Variants in LHPP observed in about 807,000 individuals in gnomAD.
LHPP encodes the protein hLHPP.
Under a neutral mutation model 30.3 loss-of-function variants are expected in LHPP, and 24 were observed. The observed-to-expected ratio is 0.79, with a 90% CI of 0.57 to 1.11. The LOEUF (loss-of-function observed/expected upper bound fraction) is 1.11. LHPP is among the 50% of genes most tolerant of loss of function. The pLI, the probability that LHPP is intolerant of heterozygous loss-of-function variation, is 0.00. For missense variants in LHPP, 356 were observed against 367.2 expected, an observed-to-expected ratio of 0.97 and a Z score of 0.25; for synonymous variants, 150 against 157.1, an observed-to-expected ratio of 0.95 and a Z score of 0.34.
intron 6 of LHPP, among the ~76,000 whole-genome samples, chr10:124,567,672 G>A (rs1199794365): frequency 5.9e-5 from 9 of 152,360 alleles, no homozygotes; most frequent in South Asian, 4.1e-4. Flanking sequence ...TCCCAGCTGT[G>A]GCTTGTGATC....
intron 6 of LHPP, among the ~76,000 whole-genome samples, chr10:124,602,048 G>C (rs1046365103): frequency 4.0e-4 from 61 of 152,314 alleles, no homozygotes; most frequent in African/African-American, 1.4e-3. Context: ...GGGTGGGTGG[G>C]AGTGGAGACC....
intron 6 of LHPP, among the ~76,000 whole-genome samples, chr10:124,559,623 G>A (rs552024174): frequency 5.2e-5 from 8 of 152,390 alleles, no homozygotes; most frequent in South Asian, 2.1e-4. Flanking sequence ...TTGGAAATCC[G>A]GCTGCCCGAG....
intron 3 of LHPP, among the ~76,000 whole-genome samples, chr10:124,494,615 T>C (rs745885147): frequency 6.6e-6 from 1 of 152,166 alleles, no homozygotes; most frequent in Non-Finnish European, 1.5e-5. Context: ...TGTGGTGGCG[T>C]GGCCACCCTG....
chr10:124,501,762 C>G (rs1953908322), intron 5 of LHPP, among the ~76,000 whole-genome samples: 1 of 151,786 alleles, frequency 6.6e-6, no homozygotes, highest in African/African-American at 2.4e-5. Flanking sequence ...TTAAAACCAC[C>G]TAAAAAATTA....
intron 3 of LHPP, chr10:124,490,610 GGAAAGCAT>G: frequency 9.2e-6 from 2 of 218,170 alleles, no homozygotes; most frequent in South Asian, 1.4e-4. Context: ...GTCCGGGGCT[GGAAAGCAT>G]GATTTTTTTC....
intron 5 of LHPP, 165 bp downstream of exon 5, chr10:124,498,293 C>A (rs1484673487): frequency 6.4e-7 from 1 of 1,574,306 alleles, no homozygotes; most frequent in South Asian, 1.1e-5. Context: ...GGGAAGACAG[C>A]AAACGAAATC....
At chr10:124,527,810 T>C (rs997874708) in intron 6 of LHPP, among the ~76,000 whole-genome samples, 5 of 152,030 alleles carry the variant, frequency 3.3e-5, no homozygotes, top group African/African-American at 9.7e-5. Flanking sequence ...AGATGCGGTC[T>C]TGTTCTGTTT....
At chr10:124,612,894 TG>T in intron 6 of LHPP, 1 of 260,000 alleles carries the variant, frequency 3.8e-6, no homozygotes, top group Non-Finnish European at 7.5e-6. Flanking sequence ...GCCAGGGGTG[TG>T]GGGTGAGCCC....
At chr10:124,479,663 GCT>G (rs1268141871) in intron 1 of LHPP, among the ~76,000 whole-genome samples, 1 of 152,190 alleles carries the variant, frequency 6.6e-6, no homozygotes, top group East Asian at 1.9e-4. Flanking sequence ...TCATGAGGGT[GCT>G]CTCTGGTGTC....
In LHPP at chr10:124,481,142, C is replaced by T. The variant is rs116395940; in HGVS notation, c.126-2997C>T. The stretch of plus-strand genomic sequence containing the variant: ...GATTCATCCCTGAACTCCTGGAGCT[C>T]GTAGGCCAGTGAGAAAGACAATTGC... On this transcript the variant is annotated intron_variant, in intron 1 of 6. Coordinates refer to ENST00000368842, the MANE Select transcript of LHPP (RefSeq NM_022126.4). Among the ~76,000 whole-genome samples, 700 of 152,120 alleles carry T rather than the reference C, an allele frequency of 4.6e-3. 8 individuals carry two copies. The highest frequency in any genetic ancestry group is 0.016 in the African/African-American group (661 of 41,486).
intron 6 of LHPP, among the ~76,000 whole-genome samples, chr10:124,594,061 C>T (rs111504482): frequency 4.6e-5 from 7 of 152,268 alleles, no homozygotes; most frequent in South Asian, 2.1e-4. Flanking sequence ...ATCGGCCGGA[C>T]GTGGGGGGCT....
rs78641914 is a variant in LHPP at position 124,612,934 on chromosome 10, T to C, written c.717-330T>C. On this transcript the variant is annotated intron_variant, in intron 6 of 6. Transcript: ENST00000368842. Reference sequence around the variant, plus strand: ...GGGAGCCCAGAGCAGGGTACACTCATGTCCCCACCATCCAAGGTGAGATGT... The same window carrying C: ...GGGAGCCCAGAGCAGGGTACACTCACGTCCCCACCATCCAAGGTGAGATGT... 5.6e-3 allele frequency: 2,190 copies of C among 387,648 alleles called. 8 individuals are homozygous for C. Among genetic ancestry groups the C allele is most frequent in the Non-Finnish European group, 8.5e-3 (1,746 of 204,264 alleles). 24.0% of individuals were successfully genotyped at this position (387,648 alleles called of 1,614,324 possible).
At chr10:124,595,452 C>T (rs1296043007) in intron 6 of LHPP, among the ~76,000 whole-genome samples, 2 of 152,248 alleles carry the variant, frequency 1.3e-5, no homozygotes, top group African/African-American at 2.4e-5. Flanking sequence ...GTGCTGGAGC[C>T]TTGGCTGCCA....
intron 6 of LHPP, among the ~76,000 whole-genome samples, chr10:124,600,166 A>G (rs974265635): frequency 2.0e-5 from 3 of 152,170 alleles, no homozygotes; most frequent in Non-Finnish European, 4.4e-5. Context: ...CATTAGGGAG[A>G]CAGGGTCTGG....
rs905076039 is a variant in LHPP, at chr10:124,524,836, A to G, written c.716+7565A>G. Among the ~76,000 whole-genome samples, 5 of 152,232 alleles carry G rather than the reference A, an allele frequency of 3.3e-5. No homozygotes were observed. In the East Asian group the frequency reaches 9.6e-4, roughly 29 times the overall value. On this transcript the variant is annotated intron_variant, in intron 6 of 6. Coordinates refer to ENST00000368842, the MANE Select transcript of LHPP (RefSeq NM_022126.4). ...GGTGACAGAGCAAGACCTTGTCTCA[A>G]AAAGAAATTTTTTTAAATTGTGGTA...
In LHPP at chr10:124,593,140, G is replaced by A. The variant is rs1404191883; in HGVS notation, c.717-20124G>A. 6.6e-6 allele frequency among the ~76,000 whole-genome samples: 1 copy of A among 152,222 alleles called. No individual in the cohort carries two copies. The highest frequency in any genetic ancestry group is 2.4e-5 in the African/African-American group (1 of 41,456). ...GCTATGCCTCAGTCTCCCCATCTGT[G>A]TGGAGGAACTGATGAAGACAGCACA... On this transcript the variant is annotated intron_variant, in intron 6 of 6. Coordinates refer to ENST00000368842, the MANE Select transcript of LHPP (RefSeq NM_022126.4). This position sits in a 1 kb window ranked among gnomAD's most constrained non-coding sequence, Gnocchi z 4.9.
rs919060950 is a variant in LHPP, at chr10:124,510,594, G to A, written c.625-6586G>A. Among the ~76,000 whole-genome samples, 5 of 152,250 alleles carry A rather than the reference G, an allele frequency of 3.3e-5. No homozygotes were observed. Among genetic ancestry groups the A allele is most frequent in the African/African-American group, 4.8e-5 (2 of 41,476 alleles). ...AATGTTCCAGCCCAGGAAGAACCAA[G>A]TCTGTATTCTGGGAGGGAAACCTGT... On this transcript the variant is annotated intron_variant, in intron 5 of 6. Transcript: ENST00000368842. The surrounding 1 kb of genome is among the most constrained non-coding windows in gnomAD (Gnocchi z 4.0).
At chr10:124,561,497 C>A (rs1276178215) in intron 6 of LHPP, among the ~76,000 whole-genome samples, 1 of 152,072 alleles carries the variant, frequency 6.6e-6, no homozygotes, top group Non-Finnish European at 1.5e-5. Flanking sequence ...GTCAGGACTT[C>A]ATCGCCACTC....
intron 6 of LHPP, among the ~76,000 whole-genome samples, chr10:124,546,558 A>ACTG (rs1955347838): frequency 6.6e-6 from 1 of 151,896 alleles, no homozygotes; most frequent in Non-Finnish European, 1.5e-5. Flanking sequence ...GCCTGCCACC[A>ACTG]CGCCCGGCTA....
Sources: allele counts gnomAD v4.1 joint callset (sites outside exome capture counted in the v4.1 genomes callset), GRCh38; gene constraint gnomAD v4.1.1; non-coding constraint Gnocchi (gnomAD v3.1); transcripts MANE v1.5; gene names NCBI Gene and HGNC (gene_info 2026-07-23, HGNC 2026-07-21).